Variants in RXYLT1 observed in about 807,000 individuals in gnomAD.
The protein encoded by RXYLT1 is ribitol-5-phosphate xylosyltransferase 1.
A neutral mutation model predicts 43.5 loss-of-function variants in RXYLT1; 41 were observed. The ratio of observed to expected loss-of-function variants is 0.94; its 90% CI spans 0.73 to 1.22. The LOEUF is 1.22. Ranked by LOEUF, RXYLT1 falls within the 50% of genes most tolerant of loss-of-function variation. The probability of loss-of-function intolerance (pLI) is 0.00; values close to 1 mark genes in which losing one functional copy is unlikely to be tolerated. For missense variants in RXYLT1, 514 were observed against 532.0 expected (o/e 0.97, Z 0.33); for synonymous variants, 166 against 194.4 (o/e 0.85, Z 1.21).
At chr12:63,804,218 A>G (rs934355447) in intron 4 of RXYLT1, 1 of 152,268 alleles carries the variant, frequency 6.6e-6, no homozygotes, top group Non-Finnish European at 1.5e-5. Flanking sequence ...TAGCAGATAG[A>G]GCCCAGGGAT....
chr12:63,788,924 C>T (rs1002671653), intron 3 of RXYLT1, among the ~76,000 whole-genome samples: 1 of 152,184 alleles, frequency 6.6e-6, no homozygotes, highest in African/African-American at 2.4e-5. Flanking sequence ...TGGTTGCAAG[C>T]TTCTCCAACC....
chr12:63,780,834 C>A (rs1402375322), intron 1 of RXYLT1, among the ~76,000 whole-genome samples, 185 bp from the exon 2 acceptor site: 1 of 152,132 alleles, frequency 6.6e-6, no homozygotes, highest in African/African-American at 2.4e-5. Context: ...AAAAAAAGTT[C>A]AGTAAAAAAA....
At position 63,809,525 on chromosome 12, in the gene RXYLT1, T is replaced by G. The variant is rs1056726998; in HGVS notation, c.*433T>G. On this transcript the variant is annotated 3_prime_UTR_variant, in exon 6 of 6. Transcript: ENST00000261234. ...TTACAATTTGTATTAGTTCTTGCAT[T>G]GCTATGAATAAATGCCTGAGATTGA... is the stretch of plus-strand genomic sequence containing the variant. The G allele has an allele frequency of 7.1e-5, 11 of 155,188 alleles. No homozygotes were observed. Among genetic ancestry groups the G allele is most frequent in the African/African-American group, 2.7e-4 (11 of 41,466 alleles). The allele number at this position is 155,188 out of a possible 1,614,324, so 9.6% of individuals were successfully genotyped here. A position where few individuals can be genotyped will look rare whatever the true frequency, so the allele number is the denominator to read the frequency against.
At chr12:63,785,108 G>A in intron 3 of RXYLT1, 36 bp downstream of exon 3, 2 of 1,465,140 alleles carry the variant, frequency 1.4e-6, no homozygotes, top group Non-Finnish European at 1.9e-6. Context: ...ATTAACCTTT[G>A]ATGTTTTGCT....
chr12:63,784,736 C>T (rs1416987750), intron 2 of RXYLT1, among the ~76,000 whole-genome samples: 1 of 152,140 alleles, frequency 6.6e-6, no homozygotes, highest in African/African-American at 2.4e-5. Flanking sequence ...TTAATATTAA[C>T]TCACATTTTG....
rs1898400109 is a variant in RXYLT1 at position 63,809,425 on chromosome 12, T to C, written c.*333T>C. Reference sequence around the variant, plus strand: ...CAGTCAAGTAAAAGTACAGCAATTATGTCCTGTACATAATATTTAATAATG... The same window carrying C: ...CAGTCAAGTAAAAGTACAGCAATTACGTCCTGTACATAATATTTAATAATG... On this transcript the variant is annotated 3_prime_UTR_variant, in exon 6 of 6. Transcript: ENST00000261234. 4.7e-6 allele frequency: 1 copy of C among 213,230 alleles called. No individual in the cohort carries two copies. The highest frequency in any genetic ancestry group is 9.2e-6 in the Non-Finnish European group (1 of 108,430). The allele number at this position is 213,230 out of a possible 1,614,324, so 13.2% of individuals were successfully genotyped here.
intron 5 of RXYLT1, chr12:63,807,649 C>G (rs1439895802): frequency 1.3e-5 from 2 of 152,594 alleles, no homozygotes; most frequent in Non-Finnish European, 2.9e-5. Context: ...ACTGCAACCT[C>G]TACCTCCCAG....
intron 3 of RXYLT1, among the ~76,000 whole-genome samples, chr12:63,792,394 C>T (rs1421347895): frequency 6.6e-6 from 1 of 152,232 alleles, no homozygotes; most frequent in Non-Finnish European, 1.5e-5. Context: ...ATGTCTCACC[C>T]AAGCCCATGT....
At chr12:63,803,181 CAAAAAAAAAAAAAAA>C (rs763579072) in intron 4 of RXYLT1, among the ~76,000 whole-genome samples, 2 of 22,596 alleles carry the variant, frequency 8.9e-5, no homozygotes, top group South Asian at 2.3e-3. Context: ...ACTGTCTCAC[CAAAAAAAAAAAAAAA>C]AAAAAAAAAA....
At chr12:63,785,822 T>G (rs1370670975) in intron 3 of RXYLT1, among the ~76,000 whole-genome samples, 1 of 152,130 alleles carries the variant, frequency 6.6e-6, no homozygotes, top group East Asian at 1.9e-4. Context: ...TGCTTTGTAT[T>G]GGAATTTCAG....
chr12:63,801,617 C>T (rs1898160296), intron 3 of RXYLT1, among the ~76,000 whole-genome samples: 2 of 152,028 alleles, frequency 1.3e-5, no homozygotes. Flanking sequence ...CCAAGGAGTT[C>T]AAGACCAGCA....
chr12:63,780,684 G>A (rs111577591), intron 1 of RXYLT1, among the ~76,000 whole-genome samples: 1 of 152,160 alleles, frequency 6.6e-6, no homozygotes, highest in Non-Finnish European at 1.5e-5. Context: ...TAGGTTACCT[G>A]TATACAATGG....
At chr12:63,801,898 G>T (rs1430723628) in intron 3 of RXYLT1, among the ~76,000 whole-genome samples, 193 bp from the exon 4 acceptor site, 1 of 151,996 alleles carries the variant, frequency 6.6e-6, no homozygotes, top group Non-Finnish European at 1.5e-5. Flanking sequence ...TACAGCCAAA[G>T]CTTACCATTA....
chr12:63,803,153 G>A, intron 4 of RXYLT1, among the ~76,000 whole-genome samples: 1 of 111,812 alleles, frequency 8.9e-6, no homozygotes, highest in Non-Finnish European at 1.7e-5. Context: ...TCTAGCCTGG[G>A]CAACAGAGTG....
intron 3 of RXYLT1, among the ~76,000 whole-genome samples, chr12:63,799,201 TAGAA>T (rs1271913033): frequency 6.6e-6 from 1 of 152,138 alleles, no homozygotes; most frequent in Non-Finnish European, 1.5e-5. Flanking sequence ...TCACTAAAAT[TAGAA>T]AGATATTCCT....
At chr12:63,781,234 A>G (rs1897676737) in intron 2 of RXYLT1, 60 bp downstream of exon 2, 3 of 1,333,254 alleles carry the variant, frequency 2.3e-6, no homozygotes, top group South Asian at 2.1e-5. Context: ...TTTTATTGAT[A>G]TGAAATTCAT....
chr12:63,780,658 G>A (rs900034349), intron 1 of RXYLT1, among the ~76,000 whole-genome samples: 1 of 152,158 alleles, frequency 6.6e-6, no homozygotes, highest in African/African-American at 2.4e-5. Context: ...ACACTCTGAA[G>A]TCAGTTTTTT....
At chr12:63,808,546 C>G (rs1898364000) in intron 5 of RXYLT1, 129 bp from the exon 6 acceptor site, 1 of 998,486 alleles carries the variant, frequency 1.0e-6, no homozygotes, top group Admixed American at 3.1e-5. Context: ...TTGGATATCT[C>G]TTATGCCTAT....
intron 5 of RXYLT1, chr12:63,805,644 T>A: frequency 2.8e-6 from 1 of 356,336 alleles, no homozygotes; most frequent in Non-Finnish European, 5.0e-6. Flanking sequence ...TTTGCAAATT[T>A]CAGTTGTTAG....
Sources: allele counts gnomAD v4.1 joint callset (sites outside exome capture counted in the v4.1 genomes callset), GRCh38; gene constraint gnomAD v4.1.1; transcripts MANE v1.5; gene names NCBI Gene and HGNC (gene_info 2026-07-23, HGNC 2026-07-21).